The following RNF31 variants were observed in gnomAD, a reference collection of about 807,000 sequenced individuals.
RNF31 encodes the protein E3 ubiquitin-protein ligase RNF31.
RNF31 carries 38 observed loss-of-function variants against 133.6 expected under a neutral mutation model. The ratio of observed to expected loss-of-function variants is 0.28; its 90% confidence interval spans 0.22 to 0.37. The LOEUF is 0.37. Ranked by LOEUF, RNF31 falls within the 10% of genes least tolerant of loss-of-function variation. The pLI is 1.00. For missense variants in RNF31, 1,118 were observed against 1,394.1 expected, an observed-to-expected ratio of 0.80 and a Z score of 3.15; for synonymous variants, 582 against 552.3, an observed-to-expected ratio of 1.05 and a Z score of -0.75.
intron 3 of RNF31, 93 bp downstream of exon 3, chr14:24,148,506 A>G (rs1566612189): frequency 6.2e-7 from 1 of 1,603,382 alleles, no homozygotes; most frequent in South Asian, 1.1e-5. Flanking sequence ...GTGCTGCTGA[A>G]CTATGGGCAT....
At chr14:24,150,990 G>T in intron 8 of RNF31, 102 bp downstream of exon 8, 1 of 1,496,658 alleles carries the variant, frequency 6.7e-7, no homozygotes. Flanking sequence ...GTTAGCAGCA[G>T]CTGCCTGTTA....
rs961213663 is a variant in RNF31, at chr14:24,151,560, G to A, written c.1813G>A (p.Val605Met). Residue 605 changes from valine (V) to methionine (M), a missense_variant, in exon 10 of 21, where the codon GTG becomes ATG. Physicochemically the swap from Val to Met is conservative, Grantham distance 21. Around this residue, in one of 3 missense-constraint regions of RNF31, gnomAD observed 747 missense variants for 827.9 expected, o/e 0.90. Transcript: ENST00000324103. The surrounding 1 kb of genome is among the most constrained non-coding windows in gnomAD (Gnocchi z 5.3). Reference protein sequence around the residue: ...LQALFQHGGDVSRALTELQRQ... With the variant: ...LQALFQHGGDMSRALTELQRQ... ...GGCATTGTTCCAGCACGGAGGTGATGTGTCACGGGCCCTGACTGAGCTACA... is the reference window on the plus strand; with the variant it reads ...GGCATTGTTCCAGCACGGAGGTGATATGTCACGGGCCCTGACTGAGCTACA... 1.2e-6 allele frequency: 2 copies of A among 1,614,182 alleles called. No individual in the cohort carries two copies. Among genetic ancestry groups the A allele is most frequent in the Middle Eastern group, 1.6e-4 (1 of 6,062 alleles).
chr14:24,150,894 G>A lies in RNF31; in HGVS notation c.1488+6G>A, dbSNP rs762360714. 1 of 1,547,096 alleles carries A rather than the reference G, an allele frequency of 6.5e-7. No homozygotes were observed. The highest frequency in any genetic ancestry group is 1.4e-5 in the African/African-American group (1 of 73,028). ...AGCTAGTGAGCATGATCCGGGTAAGGACTGGGCCTGCGATGAGGTAGGGCT... is the reference window on the plus strand; with the variant it reads ...AGCTAGTGAGCATGATCCGGGTAAGAACTGGGCCTGCGATGAGGTAGGGCT... On this transcript the variant is annotated splice_donor_region_variant and intron_variant, in intron 8 of 20. Coordinates refer to ENST00000324103, the MANE Select transcript of RNF31 (RefSeq NM_017999.5).
chr14:24,151,060 C>T lies in RNF31; in HGVS notation c.1489-71C>T, dbSNP rs2038257821. 1.3e-6 allele frequency: 2 copies of T among 1,591,810 alleles called. No individual in the cohort carries two copies. The highest frequency in any genetic ancestry group is 1.3e-5 in the African/African-American group (1 of 74,586). On this transcript the variant is annotated intron_variant, in intron 8 of 20. Coordinates refer to ENST00000324103, the MANE Select transcript of RNF31 (RefSeq NM_017999.5). This position sits in a 1 kb window ranked among gnomAD's most constrained non-coding sequence, Gnocchi z 5.3. The stretch of plus-strand genomic sequence containing the variant: ...TGATCCATATGTCTGAGCTGAGCCA[C>T]TGTCACCATCTTAGTTCAGGCTGAG...
chr14:24,147,949 A>C, intron 1 of RNF31, 27 bp from the exon 2 acceptor site: 1 of 1,614,040 alleles, frequency 6.2e-7, no homozygotes, highest in South Asian at 1.1e-5. Flanking sequence ...GGCCACGCTC[A>C]CACCTCTCTG....
intron 5 of RNF31, 157 bp from the exon 6 acceptor site, chr14:24,149,249 C>A: frequency 1.3e-6 from 1 of 768,512 alleles, no homozygotes; most frequent in African/African-American, 1.8e-5. Flanking sequence ...CTGCATGAGC[C>A]ACCACGCCCG....
In RNF31 at chr14:24,148,866, C is replaced by T; in HGVS notation, c.621C>T (p.Pro207=). Residue 207 remains proline (P), a synonymous_variant, in exon 5 of 21, where the codon CCC becomes CCT. Transcript: ENST00000324103. ...TTGCTCCTGGCCCCCTCACCACACC[C>T]TCTGTCCCAGGTATTATTGGTCCTA... is the stretch of plus-strand genomic sequence containing the variant. The part of the protein sequence containing the change: ...REIAPGPLTT[P]SVPGSTPGPC... 1 of 1,614,048 alleles carries T rather than the reference C, an allele frequency of 6.2e-7. No individual in the cohort carries two copies.
chr14:24,158,446 T>C (rs1466914894), intron 18 of RNF31, among the ~76,000 whole-genome samples: 1 of 152,344 alleles, frequency 6.6e-6, no homozygotes, highest in East Asian at 1.9e-4. Context: ...AATTTTCTTC[T>C]CCCATTCCCA....
At position 24,159,950 on chromosome 14, in the gene RNF31, G is replaced by A. The variant is rs200953781; in HGVS notation, c.2986G>A (p.Gly996Ser). 1.3e-4 allele frequency: 216 copies of A among 1,613,622 alleles called. No individual in the cohort carries two copies. The East Asian group carries it at 3.1e-3, about 23-fold the overall frequency. ...CAAGGAAACTCCAGCTGGCTATGCC[G>A]GCCTGTGCCAGTGAGTGCCAGCAGG... is the stretch of plus-strand genomic sequence containing the variant. ...CGKETPAGYA[G>S]LCQAHYKEYL... The change falls in exon 19 of 21, where the codon GGC (glycine) becomes AGC (serine). Residue 996 changes from glycine to serine, a missense_variant. Gly to Ser is a moderately conservative substitution (Grantham distance 56). Coordinates refer to ENST00000324103, the MANE Select transcript of RNF31 (RefSeq NM_017999.5).
At chr14:24,157,734 G>T in intron 16 of RNF31, 96 bp downstream of exon 16, 2 of 1,181,362 alleles carry the variant, frequency 1.7e-6, no homozygotes, top group East Asian at 4.7e-5. Flanking sequence ...GGGAAGAGAA[G>T]AGGTCAACGG....
chr14:24,148,437 T>A (rs376041041), intron 3 of RNF31, 24 bp downstream of exon 3: 112 of 1,613,712 alleles, frequency 6.9e-5, no homozygotes, highest in Middle Eastern at 5.0e-4. Context: ...CTAGTCTTGA[T>A]GGACTTATGC....
In RNF31 at chr14:24,157,619, A is replaced by G. The variant is rs770464670; in HGVS notation, c.2708A>G (p.Asn903Ser). The part of the protein sequence containing the change: ...CRHQFCSGCY[N>S]AFYAKNKCPE... ...CACCAGTTCTGCAGCGGCTGCTACA[A>G]TGCCTTTTACGCCAAGAATGTAAGC... is the stretch of plus-strand genomic sequence containing the variant. The change falls in exon 16 of 21, where the codon AAT (asparagine) becomes AGT (serine). Residue 903 changes from asparagine (N) to serine (S), a missense_variant. Asn to Ser is a conservative substitution (Grantham distance 46). Transcript: ENST00000324103. The G allele has an allele frequency of 1.6e-5, 26 of 1,613,876 alleles. No homozygotes were observed. The highest frequency in any genetic ancestry group is 2.1e-5 in the Non-Finnish European group (25 of 1,179,912).
At chr14:24,157,080 T>C (rs889995365) in intron 14 of RNF31, among the ~76,000 whole-genome samples, 9 of 152,114 alleles carry the variant, frequency 5.9e-5, no homozygotes, top group Non-Finnish European at 1.2e-4. Flanking sequence ...TGAGATGGTC[T>C]GTGGGGTGGA....
intron 5 of RNF31, 22 bp downstream of exon 5, chr14:24,148,898 G>A (rs780191543): frequency 6.9e-6 from 11 of 1,594,686 alleles, no homozygotes; most frequent in Non-Finnish European, 9.5e-6. Context: ...CCTAAATTGG[G>A]GACCAGGTAG....
rs775954098 is a variant in RNF31, at chr14:24,157,878, C to T, written c.2728-20C>T. 8 of 1,603,740 alleles carry T rather than the reference C, an allele frequency of 5.0e-6. No homozygotes were observed. Among genetic ancestry groups the T allele is most frequent in the Middle Eastern group, 1.9e-4 (1 of 5,286 alleles). On this transcript the variant is annotated intron_variant, in intron 16 of 20. Coordinates refer to ENST00000324103, the MANE Select transcript of RNF31 (RefSeq NM_017999.5). ...CCCAACAGTCTCCAACTTCCTCTCT[C>T]CCATCTGGGTTTCTGCCAGAAATGT... is the stretch of plus-strand genomic sequence containing the variant.
intron 5 of RNF31, 57 bp downstream of exon 5, chr14:24,148,933 G>C: frequency 7.2e-7 from 1 of 1,388,344 alleles, no homozygotes; most frequent in Non-Finnish European, 1.0e-6. Flanking sequence ...GGAAATTTGG[G>C]ATGCTCCTCT....
chr14:24,159,801 C>G lies in RNF31; in HGVS notation c.2900-63C>G. The G allele has an allele frequency of 5.3e-6, 7 of 1,330,782 alleles. No individual in the cohort carries two copies. In the South Asian group the frequency reaches 8.4e-5, roughly 16 times the overall value. 82.4% of individuals were successfully genotyped at this position (1,330,782 alleles called of 1,614,324 possible). A position where few individuals can be genotyped will look rare whatever the true frequency, so the allele number is the denominator to read the frequency against. On this transcript the variant is annotated intron_variant, in intron 18 of 20. Coordinates refer to ENST00000324103, the MANE Select transcript of RNF31 (RefSeq NM_017999.5). ...TGCCTTCCCTGCCTTGTGGATATCC[C>G]AGTTCTGGAGCTTTGTGGTCATTGG...
At chr14:24,147,013 G>A, upstream of RNF31, 1 of 232,760 alleles carries the variant, frequency 4.3e-6, no homozygotes, top group Non-Finnish European at 8.6e-6. Context: ...GAGTGGGAGG[G>A]GCAGCCAGAG....
Position 24,150,847 on chromosome 14 carries a change from A to C in RNF31, c.1447A>C (p.Lys483Gln), listed in dbSNP as rs758681145. The C allele has an allele frequency of 1.2e-5, 19 of 1,569,518 alleles. No individual in the cohort carries two copies. The South Asian group carries it at 1.7e-4, about 14-fold the overall frequency. Reference protein sequence around the residue: ...CGDPEKQRQDKMREEGLQLVS... With the variant: ...CGDPEKQRQDQMREEGLQLVS... ...AGATCCTGAGAAGCAGCGCCAAGAC[A>C]AGATGCGGGAAGAAGGCCTCCAGCT... The change falls in exon 8 of 21, where the codon AAG (lysine) becomes CAG (glutamine). Residue 483 changes from lysine to glutamine, a missense_variant. By Grantham distance (53) the Lys-to-Gln change is moderately conservative. Coordinates refer to ENST00000324103, the MANE Select transcript of RNF31 (RefSeq NM_017999.5).
Sources: allele counts gnomAD v4.1 joint callset (sites outside exome capture counted in the v4.1 genomes callset), GRCh38; gene constraint gnomAD v4.1.1; regional missense constraint gnomAD v4.1.1; non-coding constraint Gnocchi (gnomAD v3.1); transcripts MANE v1.5; gene names NCBI Gene and HGNC (gene_info 2026-07-23, HGNC 2026-07-21).